Variants in FOXP1 observed in about 807,000 individuals in gnomAD.
FOXP1 encodes forkhead box P1.
A neutral mutation model predicts 98.2 loss-of-function variants in FOXP1; 15 were observed. That is an observed-to-expected ratio of 0.15 (90% CI 0.10 to 0.24). The LOEUF (loss-of-function observed/expected upper bound fraction) is 0.24, where lower values mean the gene tolerates loss of function less well. Ranked by LOEUF, FOXP1 falls within the 10% of genes least tolerant of loss-of-function variation. The probability of loss-of-function intolerance (pLI) is 1.00; values close to 1 mark genes in which losing one functional copy is unlikely to be tolerated. For missense variants in FOXP1, 633 were observed against 848.5 expected, an observed-to-expected ratio of 0.75 and a Z score of 3.15; for synonymous variants, 371 against 314.5, an observed-to-expected ratio of 1.18 and a Z score of -1.90.
intron 5 of FOXP1, among the ~76,000 whole-genome samples, chr3:71,205,687 C>T (rs1385453468): frequency 6.6e-6 from 1 of 152,136 alleles, no homozygotes; most frequent in Non-Finnish European, 1.5e-5. Flanking sequence ...TCCTAGAGAA[C>T]ACAGCATCTG....
intron 2 of FOXP1, chr3:71,571,156 T>C (rs903328475): frequency 7.2e-5 from 11 of 152,218 alleles, no homozygotes; most frequent in African/African-American, 2.2e-4. Flanking sequence ...TTAGAAACGC[T>C]TTGTTGACAA....
At chr3:71,185,288 C>G (rs1220799027) in intron 6 of FOXP1, among the ~76,000 whole-genome samples, 1 of 151,802 alleles carries the variant, frequency 6.6e-6, no homozygotes, top group Non-Finnish European at 1.5e-5. Context: ...AAAACAGAAT[C>G]AAGAAAGTAA....
intron 6 of FOXP1, among the ~76,000 whole-genome samples, chr3:71,169,965 T>C (rs1453360677): frequency 1.3e-5 from 2 of 152,154 alleles, no homozygotes; most frequent in African/African-American, 4.8e-5. Flanking sequence ...TCATGCCAAT[T>C]AGCATTGAAA....
intron 6 of FOXP1, chr3:71,130,911 C>T: frequency 7.4e-7 from 1 of 1,354,306 alleles, no homozygotes; most frequent in Non-Finnish European, 9.5e-7. Flanking sequence ...CGACACAGCA[C>T]ACGCAGTGCG....
chr3:71,197,817 T>G, intron 6 of FOXP1: 1 of 1,482,640 alleles, frequency 6.7e-7, no homozygotes, highest in South Asian at 1.2e-5. Flanking sequence ...TCTTATTTCC[T>G]TCTTCACAGG....
chr3:71,514,430 C>T lies in FOXP1; in HGVS notation c.-297-20875G>A, dbSNP rs1035779510. Among the ~76,000 whole-genome samples, 3 of 152,198 alleles carry T rather than the reference C, an allele frequency of 2.0e-5. No homozygotes were observed. In the East Asian group the frequency reaches 5.8e-4, roughly 29 times the overall value. On this transcript the variant is annotated intron_variant, in intron 2 of 20. Coordinates refer to ENST00000649528, the MANE Select transcript of FOXP1 (RefSeq NM_001349338.3). ...CCCTTCTAACCTCCTAACTAATCTACTTATTATGTCTGTCTGTCTGCATCC... is the reference window on the plus strand; with the variant it reads ...CCCTTCTAACCTCCTAACTAATCTATTTATTATGTCTGTCTGTCTGCATCC...
intron 12 of FOXP1, 81 bp downstream of exon 12, chr3:71,015,468 A>G: frequency 2.1e-6 from 2 of 944,646 alleles, no homozygotes; most frequent in Non-Finnish European, 3.4e-6. Flanking sequence ...TCTCCATCAA[A>G]AAGGCATTTT....
chr3:71,049,298 A>G (rs532894299), intron 9 of FOXP1, among the ~76,000 whole-genome samples: 2 of 152,238 alleles, frequency 1.3e-5, no homozygotes, highest in South Asian at 4.1e-4. Flanking sequence ...TTTTAAAACA[A>G]TCAACTTAGC....
At position 71,157,106 on chromosome 3, in the gene FOXP1, T is replaced by C. The variant is rs138946535; in HGVS notation, c.180+41096A>G. Among the ~76,000 whole-genome samples, 116 of 152,348 alleles carry C rather than the reference T, an allele frequency of 7.6e-4. 1 individual carries two copies. The highest frequency in any genetic ancestry group is 2.5e-3 in the African/African-American group (102 of 41,574). ...CAAAGCAGATGATGCCACCTCAGGTTAATTAAATCAAGTGGCTTCAGGTCT... is the reference window on the plus strand; with the variant it reads ...CAAAGCAGATGATGCCACCTCAGGTCAATTAAATCAAGTGGCTTCAGGTCT... On this transcript the variant is annotated intron_variant, in intron 6 of 20. Transcript: ENST00000649528.
At chr3:71,583,207 G>C (rs976782242) in intron 1 of FOXP1, among the ~76,000 whole-genome samples, 1 of 152,020 alleles carries the variant, frequency 6.6e-6, no homozygotes, top group African/African-American at 2.4e-5. Context: ...AGGGGCCTAC[G>C]GGCAGGCGAT....
Position 71,289,127 on chromosome 3 carries a change from C to T in FOXP1, c.-12+10693G>A, listed in dbSNP as rs138342672. Among the ~76,000 whole-genome samples the T allele has an allele frequency of 6.8e-3, 1,027 of 152,060 alleles. 13 individuals are homozygous for T. The highest frequency in any genetic ancestry group is 0.023 in the African/African-American group (963 of 41,470). ...TTGGTTCACTGCAACCTCCGTCTCC[C>T]GGGTCCCAGTTCAAGCAATTCTCCT... On this transcript the variant is annotated intron_variant, in intron 5 of 20. Coordinates refer to ENST00000649528, the MANE Select transcript of FOXP1 (RefSeq NM_001349338.3).
intron 6 of FOXP1, among the ~76,000 whole-genome samples, chr3:71,177,836 CT>C (rs1404812611): frequency 8.8e-6 from 1 of 114,264 alleles, no homozygotes; most frequent in African/African-American, 3.9e-5. Context: ...TCTTTTCTTT[CT>C]TTCTTTTTTT....
At chr3:71,144,377 A>G (rs538354186) in intron 6 of FOXP1, among the ~76,000 whole-genome samples, 1 of 152,292 alleles carries the variant, frequency 6.6e-6, no homozygotes, top group South Asian at 2.1e-4. Context: ...GAACCAGGCA[A>G]TGAGAGTGGT....
intron 1 of FOXP1, chr3:71,582,688 C>T (rs1218670261): frequency 2.0e-6 from 2 of 985,314 alleles, no homozygotes; most frequent in Non-Finnish European, 2.4e-6. Context: ...GCATCCGGCT[C>T]CCGCACCCAC....
chr3:71,153,679 T>C (rs1436117513), intron 6 of FOXP1, among the ~76,000 whole-genome samples: 1 of 152,148 alleles, frequency 6.6e-6, no homozygotes. Flanking sequence ...TGTGTCACAT[T>C]AACCTAAAGA....
intron 6 of FOXP1, among the ~76,000 whole-genome samples, chr3:71,116,343 CG>C: frequency 6.6e-6 from 1 of 151,930 alleles, no homozygotes. Context: ...GATACAAGCA[CG>C]GGGGGAAAAG....
rs572222770 is a variant in FOXP1 at position 71,009,283 on chromosome 3, T to C, written c.974+6266A>G. Among the ~76,000 whole-genome samples, 12 of 151,222 alleles carry C rather than the reference T, an allele frequency of 7.9e-5. No individual in the cohort carries two copies. The South Asian group carries it at 2.5e-3, about 32-fold the overall frequency. On this transcript the variant is annotated intron_variant, in intron 12 of 20. Transcript: ENST00000649528. ...CGGGGCCACAAAAGCATTCCTCAGC[T>C]AAAAATATGTTGGTGACACCAAAAA...
intron 7 of FOXP1, among the ~76,000 whole-genome samples, chr3:71,085,423 T>C (rs2054933229): frequency 6.6e-6 from 1 of 152,168 alleles, no homozygotes; most frequent in Non-Finnish European, 1.5e-5. Context: ...GTGCCTCACA[T>C]CACAGGTGTG....
At chr3:71,392,646 T>C (rs1213567905) in intron 3 of FOXP1, among the ~76,000 whole-genome samples, 5 of 152,224 alleles carry the variant, frequency 3.3e-5, no homozygotes, top group African/African-American at 9.6e-5. Flanking sequence ...ACTTAAACTT[T>C]GGAAATTTCA....
Sources: gnomAD v4.1 joint callset for allele counts (sites outside exome capture counted in the v4.1 genomes callset) on GRCh38, gnomAD v4.1.1 for gene constraint, MANE v1.5 for transcripts, NCBI Gene and HGNC (gene_info 2026-07-23, HGNC 2026-07-21) for gene names.